CTNNA3: variants seen among roughly 807,000 people sequenced by gnomAD.
CTNNA3 encodes the protein catenin alpha 3.
In CTNNA3, 76 loss-of-function variants were observed where a neutral mutation model predicts 95.7. The observed-to-expected ratio is 0.79, with a 90% CI of 0.66 to 0.96. The LOEUF is 0.96. CTNNA3 is among the 40% of genes least tolerant of loss of function. The probability of loss-of-function intolerance (pLI) is 0.00; values close to 1 mark genes in which losing one functional copy is unlikely to be tolerated. For synonymous variants in CTNNA3, 431 were observed against 374.4 expected (o/e 1.15, Z -1.74); for missense variants, 1,191 against 1,089.8 (o/e 1.09, Z -1.31).
intron 7 of CTNNA3, among the ~76,000 whole-genome samples, chr10:66,818,656 T>G (rs1293782025): frequency 2.0e-5 from 3 of 152,228 alleles, no homozygotes; most frequent in Non-Finnish European, 4.4e-5. Context: ...ATTAATATTC[T>G]CATGATGTCA....
At chr10:67,691,472 C>T (rs1002693854) in intron 1 of CTNNA3, among the ~76,000 whole-genome samples, 12 of 151,908 alleles carry the variant, frequency 7.9e-5, no homozygotes, top group Admixed American at 2.6e-4. Context: ...GCCACCATCA[C>T]ATCTGGGAAG....
intron 11 of CTNNA3, among the ~76,000 whole-genome samples, chr10:66,422,976 G>A (rs1002887285): frequency 1.3e-5 from 2 of 151,972 alleles, no homozygotes; most frequent in Admixed American, 1.3e-4. Context: ...AATAGCTCAG[G>A]AGGTAGGGGG....
intron 9 of CTNNA3, among the ~76,000 whole-genome samples, chr10:66,625,070 C>T (rs984432670): frequency 9.9e-5 from 15 of 152,086 alleles, no homozygotes; most frequent in African/African-American, 3.4e-4. Context: ...GATTAAATTA[C>T]ATCCTTAAAA....
intron 12 of CTNNA3, among the ~76,000 whole-genome samples, chr10:66,305,987 A>G (rs1468221539): frequency 6.6e-6 from 1 of 152,146 alleles, no homozygotes; most frequent in Admixed American, 6.5e-5. Flanking sequence ...TCCTATCCTG[A>G]CCCAACTAAA....
chr10:66,949,799 C>T (rs920230371), intron 7 of CTNNA3, among the ~76,000 whole-genome samples: 51 of 150,924 alleles, frequency 3.4e-4, no homozygotes, highest in African/African-American at 1.2e-3. Flanking sequence ...CCAATGCACA[C>T]CTAAAAGGAT....
chr10:67,342,099 CTTTTTTTTTTTTTTT>C (rs764381058), intron 5 of CTNNA3, among the ~76,000 whole-genome samples: 1 of 83,660 alleles, frequency 1.2e-5, no homozygotes, highest in Non-Finnish European at 2.2e-5. Flanking sequence ...TATTTTTCTT[CTTTTTTTTTTTTTTT>C]TTTTTTAGAC....
At chr10:67,522,537 G>A (rs572686139) in intron 4 of CTNNA3, among the ~76,000 whole-genome samples, 33 of 152,148 alleles carry the variant, frequency 2.2e-4, no homozygotes, top group African/African-American at 8.0e-4. Flanking sequence ...GATGATCAAA[G>A]CATATGTGGC....
intron 7 of CTNNA3, among the ~76,000 whole-genome samples, chr10:67,127,999 T>A (rs946804542): frequency 6.6e-6 from 1 of 152,104 alleles, no homozygotes; most frequent in Non-Finnish European, 1.5e-5. Context: ...TCACATGTCC[T>A]CAACTTAGCA....
intron 17 of CTNNA3, among the ~76,000 whole-genome samples, chr10:65,923,816 A>G (rs1351800295): frequency 6.6e-6 from 1 of 152,198 alleles, no homozygotes; most frequent in Non-Finnish European, 1.5e-5. Context: ...AAGTAAATGT[A>G]ACACTACAGA....
At chr10:66,131,981 G>A (rs1228145906) in intron 13 of CTNNA3, among the ~76,000 whole-genome samples, 3 of 152,116 alleles carry the variant, frequency 2.0e-5, no homozygotes, top group African/African-American at 7.2e-5. Context: ...CATTCAGGAC[G>A]TGGGAAGGGG....
At chr10:67,606,761 T>C (rs1335703642) in intron 3 of CTNNA3, 96 bp downstream of exon 3, 1 of 989,302 alleles carries the variant, frequency 1.0e-6, no homozygotes, top group East Asian at 2.4e-5. Context: ...ACTAAAAAAC[T>C]GGAGCCAACA....
At chr10:67,125,490 A>C (rs1393304055) in intron 7 of CTNNA3, among the ~76,000 whole-genome samples, 1 of 152,218 alleles carries the variant, frequency 6.6e-6, no homozygotes, top group Non-Finnish European at 1.5e-5. Context: ...GTATCCTAGA[A>C]TAAATTTATA....
intron 6 of CTNNA3, among the ~76,000 whole-genome samples, chr10:67,192,112 GC>G (rs1863145646): frequency 6.6e-6 from 1 of 151,878 alleles, no homozygotes; most frequent in Non-Finnish European, 1.5e-5. Context: ...TAACTGTAAT[GC>G]CTGAAACTGT....
chr10:67,007,088 A>C (rs1364337774), intron 7 of CTNNA3, among the ~76,000 whole-genome samples: 3 of 151,976 alleles, frequency 2.0e-5, no homozygotes, highest in Non-Finnish European at 4.4e-5. Context: ...GAGCCACCAC[A>C]CCCAGCTTAC....
intron 15 of CTNNA3, among the ~76,000 whole-genome samples, chr10:65,996,313 C>T (rs1012407415): frequency 3.9e-5 from 6 of 152,084 alleles, no homozygotes; most frequent in African/African-American, 1.4e-4. Context: ...TCCCTTTGTC[C>T]CAGGGGCACC....
chr10:66,210,049 C>A (rs547957392), intron 13 of CTNNA3, among the ~76,000 whole-genome samples: 1 of 151,990 alleles, frequency 6.6e-6, no homozygotes, highest in Non-Finnish European at 1.5e-5. Context: ...TATTGCTGAA[C>A]AATGAATGAT....
chr10:66,335,207 T>C (rs2092380850), intron 12 of CTNNA3, among the ~76,000 whole-genome samples: 1 of 152,122 alleles, frequency 6.6e-6, no homozygotes, highest in Non-Finnish European at 1.5e-5. Flanking sequence ...AGTTTGATTG[T>C]CTGAAGCTGT....
chr10:67,432,675 C>A (rs915188663), intron 5 of CTNNA3, among the ~76,000 whole-genome samples: 9 of 152,140 alleles, frequency 5.9e-5, no homozygotes, highest in Non-Finnish European at 7.4e-5. Flanking sequence ...TCCAGGATAA[C>A]CTCATCCTCA....
intron 9 of CTNNA3, among the ~76,000 whole-genome samples, chr10:66,712,604 T>TCACACACACACACACACACA (rs769408731): frequency 7.0e-6 from 1 of 143,468 alleles, no homozygotes; most frequent in Non-Finnish European, 1.5e-5. Context: ...TCTCTCTCTC[T>TCACACACACACACACACACA]CTCTCACACA....
Sources: allele counts gnomAD v4.1 joint callset (sites outside exome capture counted in the v4.1 genomes callset), GRCh38; gene constraint gnomAD v4.1.1; transcripts MANE v1.5; gene names NCBI Gene and HGNC (gene_info 2026-07-23, HGNC 2026-07-21).